NFYA: variants seen among roughly 807,000 people sequenced by gnomAD.
NFYA encodes nuclear transcription factor Y subunit alpha.
In NFYA, 28 loss-of-function variants were observed where a neutral mutation model predicts 52.8. That is an observed-to-expected ratio of 0.53 (90% CI 0.39 to 0.73). NFYA has a LOEUF of 0.73. NFYA is among the 30% of genes least tolerant of loss of function. The probability of loss-of-function intolerance (pLI) is 0.00; values close to 1 mark genes in which losing one functional copy is unlikely to be tolerated. For missense variants in NFYA, 234 were observed against 427.0 expected, an observed-to-expected ratio of 0.55 and a Z score of 3.98; for synonymous variants, 150 against 150.7, an observed-to-expected ratio of 1.00 and a Z score of 0.03.
chr6:41,080,810 G>T lies in NFYA; in HGVS notation c.76-1G>T. ...CAAGCTCTTCCTGTTCCTGTTCTCA[G>T]CAGCAGGGTGGTGTCACTGCTGTGC... On this transcript the variant is annotated splice_acceptor_variant, in intron 2 of 9. Transcript: ENST00000341376. LOFTEE classifies it high-confidence loss of function. The T allele has an allele frequency of 1.2e-6, 2 of 1,612,662 alleles. No individual in the cohort carries two copies. The highest frequency in any genetic ancestry group is 1.7e-6 in the Non-Finnish European group (2 of 1,178,812).
rs1237712894 is a variant in NFYA at position 41,100,336 on chromosome 6, T to C, written c.*2926T>C. Among the ~76,000 whole-genome samples, 1 of 152,246 alleles carries C rather than the reference T, an allele frequency of 6.6e-6. No homozygotes were observed. The highest frequency in any genetic ancestry group is 2.4e-5 in the African/African-American group (1 of 41,460). On this transcript the variant is annotated 3_prime_UTR_variant, in exon 10 of 10. Transcript: ENST00000341376. ...TAGTGAAGATGTACTATTTACGTTT[T>C]GTTAGATTTTGTTTTGGCAGAAGAC...
At chr6:41,076,655 T>G (rs924808267) in intron 1 of NFYA, among the ~76,000 whole-genome samples, 2 of 152,214 alleles carry the variant, frequency 1.3e-5, no homozygotes, top group Non-Finnish European at 2.9e-5. Flanking sequence ...CTAGCCAGAA[T>G]AAACACTTAT....
chr6:41,095,699 A>G (rs1044681851), intron 9 of NFYA, among the ~76,000 whole-genome samples: 19 of 152,202 alleles, frequency 1.2e-4, no homozygotes, highest in South Asian at 6.2e-4. Flanking sequence ...CCAAAGTGCT[A>G]GGATTACAGG....
Position 41,101,278 on chromosome 6 carries a change from GCCTC to G in NFYA, c.*3871_*3874del, listed in dbSNP as rs1044445225. On this transcript the variant is annotated 3_prime_UTR_variant, in exon 10 of 10. Coordinates refer to ENST00000341376, the MANE Select transcript of NFYA (RefSeq NM_002505.5). The stretch of plus-strand genomic sequence containing the variant: ...GGAGGCCTCGACGGTTACAGGCCTA[GCCTC>G]CCGCGAGCTAAGGCACAGTTTAACT... 2.6e-5 allele frequency: 4 copies of G among 152,250 alleles called. No homozygotes were observed. Among genetic ancestry groups the G allele is most frequent in the African/African-American group, 7.2e-5 (3 of 41,458 alleles). 9.4% of individuals were successfully genotyped at this position (152,250 alleles called of 1,614,324 possible). A position where few individuals can be genotyped will look rare whatever the true frequency, so the allele number is the denominator to read the frequency against.
At position 41,097,550 on chromosome 6, in the gene NFYA, C is replaced by A; in HGVS notation, c.*140C>A. 1.2e-6 allele frequency: 1 copy of A among 805,140 alleles called. No individual in the cohort carries two copies. The highest frequency in any genetic ancestry group is 2.0e-6 in the Non-Finnish European group (1 of 503,198). The allele number at this position is 805,140 out of a possible 1,614,324, so 49.9% of individuals were successfully genotyped here. Reference sequence around the variant, plus strand: ...AAACCACTTAGTTTTTAATAAGTGGCTCAGTATTACAATTGCAGCGATGCC... The same window carrying A: ...AAACCACTTAGTTTTTAATAAGTGGATCAGTATTACAATTGCAGCGATGCC... On this transcript the variant is annotated 3_prime_UTR_variant, in exon 10 of 10. Transcript: ENST00000341376.
chr6:41,079,139 T>C lies in NFYA; in HGVS notation c.50T>C (p.Val17Ala). 3 of 1,614,180 alleles carry C rather than the reference T, an allele frequency of 1.9e-6. No individual in the cohort carries two copies. Among genetic ancestry groups the C allele is most frequent in the Non-Finnish European group, 2.5e-6 (3 of 1,180,024 alleles). Residue 17 changes from valine to alanine, a missense_variant, in exon 2 of 10, where the codon GTC becomes GCC. This residue lies in a region of NFYA where 118 missense variants were observed against 182.4 expected (regional missense o/e 0.65). Coordinates refer to ENST00000341376, the MANE Select transcript of NFYA (RefSeq NM_002505.5). ...NSNSSTEQIVVQAGQIQQQQQ... is the reference protein window; with the variant it reads ...NSNSSTEQIVAQAGQIQQQQQ... ...AATAGTTCGACAGAGCAGATTGTTG[T>C]CCAGGCAGGACAGATTCAGCAGCAG...
In NFYA at chr6:41,102,329, G is replaced by C. The variant is rs891101302; in HGVS notation, c.*4919G>C. On this transcript the variant is annotated 3_prime_UTR_variant, in exon 10 of 10. Coordinates refer to ENST00000341376, the MANE Select transcript of NFYA (RefSeq NM_002505.5). ...CATTCTATTGACTCATTGTTCAAAG[G>C]GGGGGCAGGAGGAGCTAATTTCCTT... Among the ~76,000 whole-genome samples the C allele has an allele frequency of 5.9e-5, 9 of 152,218 alleles. No homozygotes were observed. In the East Asian group the frequency reaches 7.7e-4, roughly 13 times the overall value.
At position 41,100,606 on chromosome 6, in the gene NFYA, T is replaced by C. The variant is rs987333498; in HGVS notation, c.*3196T>C. 1.3e-5 allele frequency among the ~76,000 whole-genome samples: 2 copies of C among 152,210 alleles called. No individual in the cohort carries two copies. Among genetic ancestry groups the C allele is most frequent in the Non-Finnish European group, 2.9e-5 (2 of 68,036 alleles). ...AAAAGCACTGACAGTATTTGATAGC[T>C]TTAGTCAAACTGTGCTTGAGTTTGG... On this transcript the variant is annotated 3_prime_UTR_variant, in exon 10 of 10. Coordinates refer to ENST00000341376, the MANE Select transcript of NFYA (RefSeq NM_002505.5).
chr6:41,080,196 C>G (rs1220705636), intron 2 of NFYA, among the ~76,000 whole-genome samples: 1 of 152,144 alleles, frequency 6.6e-6, no homozygotes, highest in Admixed American at 6.5e-5. Context: ...TGCCTGTAAT[C>G]CCAGCTACTC....
chr6:41,075,320 G>C lies in NFYA; in HGVS notation c.-62+2236G>C, dbSNP rs1393598210. 6.6e-5 allele frequency: 10 copies of C among 152,334 alleles called. No individual in the cohort carries two copies. In the East Asian group the frequency reaches 1.9e-3, roughly 29 times the overall value. The allele number at this position is 152,334 out of a possible 1,614,324, so 9.4% of individuals were successfully genotyped here. A position where few individuals can be genotyped will look rare whatever the true frequency, so the allele number is the denominator to read the frequency against. ...CCTTCTTGTTCTCCCAAAACGTTGG[G>C]ATTACAGGCATGAGCCACTGCGTCC... is the stretch of plus-strand genomic sequence containing the variant. On this transcript the variant is annotated intron_variant, in intron 1 of 9. Coordinates refer to ENST00000341376, the MANE Select transcript of NFYA (RefSeq NM_002505.5).
chr6:41,094,349 G>T, intron 8 of NFYA, 47 bp from the exon 9 acceptor site: 2 of 1,523,728 alleles, frequency 1.3e-6, no homozygotes, highest in South Asian at 2.3e-5. Flanking sequence ...TAACTGTGCT[G>T]GTTCTGGATA....
In NFYA at chr6:41,092,892, C is replaced by T; in HGVS notation, c.715-20C>T. On this transcript the variant is annotated intron_variant, in intron 7 of 9. Transcript: ENST00000341376. ...CCATACTTCATGCCACCAATAAGCT[C>T]TGGTTTCCTGTTCACACAGATGGTT... 6.2e-7 allele frequency: 1 copy of T among 1,608,144 alleles called. No homozygotes were observed. Among genetic ancestry groups the T allele is most frequent in the Non-Finnish European group, 8.5e-7 (1 of 1,177,078 alleles).
At chr6:41,081,121 A>G (rs1291358870) in intron 3 of NFYA, among the ~76,000 whole-genome samples, 1 of 152,198 alleles carries the variant, frequency 6.6e-6, no homozygotes, top group Non-Finnish European at 1.5e-5. Context: ...TTTGACTAGC[A>G]TGTTTCTTTG....
At chr6:41,083,700 C>G (rs1240106717) in intron 3 of NFYA, among the ~76,000 whole-genome samples, 1 of 152,194 alleles carries the variant, frequency 6.6e-6, no homozygotes, top group African/African-American at 2.4e-5. Flanking sequence ...TCACTACAGA[C>G]CATTCCTGGA....
chr6:41,088,953 A>G (rs150962176), intron 4 of NFYA, among the ~76,000 whole-genome samples: 2,669 of 152,298 alleles, frequency 0.018, 74 homozygotes, highest in African/African-American at 0.06. Context: ...TGGCAAGATT[A>G]AAAAATAATA....
At chr6:41,074,921 G>T (rs978438183) in intron 1 of NFYA, among the ~76,000 whole-genome samples, 1 of 152,140 alleles carries the variant, frequency 6.6e-6, no homozygotes, top group Admixed American at 6.5e-5. Context: ...GCATTCCCTG[G>T]CACATAAAGG....
intron 3 of NFYA, 21 bp downstream of exon 3, chr6:41,080,918 C>T (rs1763887781): frequency 2.5e-6 from 4 of 1,585,068 alleles, no homozygotes; most frequent in African/African-American, 1.3e-5. Flanking sequence ...CTCTGATTCT[C>T]TGTGAGCACT....
chr6:41,093,418 AT>A (rs1051589593), intron 8 of NFYA, among the ~76,000 whole-genome samples: 55 of 151,888 alleles, frequency 3.6e-4, no homozygotes, highest in African/African-American at 1.2e-3. Context: ...ATGGTCCAAG[AT>A]TCCTGCTTAG....
chr6:41,079,126 G>A lies in NFYA; in HGVS notation c.37G>A (p.Glu13Lys). ...QYTANSNSST[E>K]QIVVQAGQIQ... ...TACAGCAAACAGCAATAGTTCGACA[G>A]AGCAGATTGTTGTCCAGGCAGGACA... The change falls in exon 2 of 10, where the codon GAG (glutamate) becomes AAG (lysine). Residue 13 changes from glutamate to lysine, a missense_variant. Around this residue, in one of 3 missense-constraint regions of NFYA, gnomAD observed 118 missense variants for 182.4 expected, o/e 0.65. Coordinates refer to ENST00000341376, the MANE Select transcript of NFYA (RefSeq NM_002505.5). 1 of 1,614,202 alleles carries A rather than the reference G, an allele frequency of 6.2e-7. No individual in the cohort carries two copies. Among genetic ancestry groups the A allele is most frequent in the Non-Finnish European group, 8.5e-7 (1 of 1,180,026 alleles).
Sources: gnomAD v4.1 joint callset for allele counts (sites outside exome capture counted in the v4.1 genomes callset) on GRCh38, gnomAD v4.1.1 for gene constraint, gnomAD v4.1.1 regional missense constraint, MANE v1.5 for transcripts, NCBI Gene and HGNC (gene_info 2026-07-23, HGNC 2026-07-21) for gene names.